NPIPA7: variants seen among roughly 807,000 people sequenced by gnomAD.
The protein encoded by NPIPA7 is nuclear pore complex interacting protein family member A7, also known as nuclear pore complex-interacting protein family member A7.
chr16:16,388,047 C>G (rs1487480554), intron 4 of NPIPA7, among the ~76,000 whole-genome samples: 1 of 16,136 alleles, frequency 6.2e-5, no homozygotes. Flanking sequence ...TTTCCTTTCT[C>G]TCTCTTTTTT....
chr16:16,388,045 C>T (rs1249993191), intron 4 of NPIPA7, among the ~76,000 whole-genome samples: 1 of 15,222 alleles, frequency 6.6e-5, no homozygotes, highest in Non-Finnish European at 1.2e-4. Flanking sequence ...GTTTTCCTTT[C>T]TCTCTCTTTT....
At chr16:16,387,012 G>T (rs1418223497) in intron 2 of NPIPA7, among the ~76,000 whole-genome samples, 6 of 145,114 alleles carry the variant, frequency 4.1e-5, no homozygotes, top group African/African-American at 1.5e-4. Flanking sequence ...GCCTCCCAAA[G>T]TACTGGGATT....
In NPIPA7 at chr16:16,388,058, T is replaced by G. The variant is rs2050203716; in HGVS notation, c.437+252T>G. On this transcript the variant is annotated intron_variant, in intron 4 of 7. Coordinates refer to ENST00000530217, the Ensembl canonical transcript of NPIPA7. ...TGGTTTTCCTTTCTCTCTCTTTTTT[T>G]TTTTTTTTTTTCCTGAGATGGGGCT... Among the ~76,000 whole-genome samples the G allele has an allele frequency of 2.5e-5, 2 of 81,150 alleles. 1 individual carries two copies. The highest frequency in any genetic ancestry group is 4.5e-5 in the Non-Finnish European group (2 of 44,228). 53.2% of individuals were successfully genotyped at this position (81,150 alleles called of 152,430 possible).
At chr16:16,387,364 T>C in intron 2 of NPIPA7, 35 bp from the exon 3 acceptor site, 1 of 599,500 alleles carries the variant, frequency 1.7e-6, no homozygotes, top group Non-Finnish European at 2.9e-6. Flanking sequence ...TGAGCCACCG[T>C]GCCCAGCCGT....
In NPIPA7 at chr16:16,390,834, GA is replaced by G. The variant is rs2050247701; in HGVS notation, c.509del (p.Asn170MetfsTer6). On this transcript the variant is annotated frameshift_variant, in exon 5 of 8. Transcript: ENST00000530217. LOFTEE classifies it high-confidence loss of function. ...GGAGAGGCAGGTGTCAGAGGCAGAG[GA>G]AAATGGGAAATTGGATATGAAAGAA... 5.7e-6 allele frequency: 5 copies of G among 877,102 alleles called. No individual in the cohort carries two copies. Among genetic ancestry groups the G allele is most frequent in the East Asian group, 1.3e-4 (2 of 15,730 alleles). 54.3% of individuals were successfully genotyped at this position (877,102 alleles called of 1,614,324 possible).
chr16:16,388,521 A>G (rs1164330098), intron 4 of NPIPA7, among the ~76,000 whole-genome samples: 1 of 37,754 alleles, frequency 2.6e-5, no homozygotes, highest in Non-Finnish European at 5.1e-5. Flanking sequence ...ACATTCGGCC[A>G]ATTTTTTTTT....
At chr16:16,386,183 TCAAAC>T (rs2050121288) in intron 2 of NPIPA7, among the ~76,000 whole-genome samples, 1 of 95,446 alleles carries the variant, frequency 1.0e-5, no homozygotes, top group South Asian at 4.0e-4. Flanking sequence ...TGCGTTAAGT[TCAAAC>T]CAGCCTCAAC....
chr16:16,388,133 G>T (rs1382946460), intron 4 of NPIPA7, among the ~76,000 whole-genome samples: 1 of 30,214 alleles, frequency 3.3e-5, no homozygotes, highest in Non-Finnish European at 5.3e-5. Context: ...TCAACTCACT[G>T]CCTTTTGGGT....
chr16:16,386,989 T>C (rs1237878110), intron 2 of NPIPA7, among the ~76,000 whole-genome samples: 6 of 145,648 alleles, frequency 4.1e-5, no homozygotes, highest in Non-Finnish European at 9.2e-5. Context: ...CCTCAGGTGA[T>C]CCGCCTGCCT....
At chr16:16,386,845 A>G (rs867286548) in intron 2 of NPIPA7, among the ~76,000 whole-genome samples, 139 of 121,952 alleles carry the variant, frequency 1.1e-3, no homozygotes, top group Middle Eastern at 4.8e-3. Context: ...TTCCTGCTGG[A>G]TTCAAGTGAT....
Position 16,388,508 on chromosome 16 carries a change from G to A in NPIPA7, c.437+702G>A, listed in dbSNP as rs867734520. 4.1e-4 allele frequency among the ~76,000 whole-genome samples: 13 copies of A among 31,852 alleles called. No homozygotes were observed. In the East Asian group the frequency reaches 7.2e-3, roughly 18 times the overall value. 20.9% of individuals were successfully genotyped at this position (31,852 alleles called of 152,430 possible). Reference sequence around the variant, plus strand: ...GTAGCTTGGATTACAGGTGTGTGCCGCCACATTCGGCCAATTTTTTTTTTT... The same window carrying A: ...GTAGCTTGGATTACAGGTGTGTGCCACCACATTCGGCCAATTTTTTTTTTT... On this transcript the variant is annotated intron_variant, in intron 4 of 7. Transcript: ENST00000530217.
intron 1 of NPIPA7, among the ~76,000 whole-genome samples, chr16:16,382,024 T>G (rs1299301874): frequency 1.3e-5 from 1 of 75,604 alleles, no homozygotes; most frequent in African/African-American, 7.6e-5. Flanking sequence ...ATTGCAGGCG[T>G]GAGCCACCAC....
At chr16:16,386,556 T>G (rs2050137329) in intron 2 of NPIPA7, among the ~76,000 whole-genome samples, 1 of 101,202 alleles carries the variant, frequency 9.9e-6, no homozygotes, top group Non-Finnish European at 2.1e-5. Context: ...TTCAAGCAGT[T>G]CTCCTGCCTC....
Position 16,388,473 on chromosome 16 carries a change from A to G in NPIPA7, c.437+667A>G, listed in dbSNP as rs1409190334. Among the ~76,000 whole-genome samples the G allele has an allele frequency of 1.7e-4, 3 of 17,752 alleles. No individual in the cohort carries two copies. In the South Asian group the frequency reaches 4.7e-3, roughly 28 times the overall value. The allele number at this position is 17,752 out of a possible 152,430, so 11.6% of individuals were successfully genotyped here. A position where few individuals can be genotyped will look rare whatever the true frequency, so the allele number is the denominator to read the frequency against. On this transcript the variant is annotated intron_variant, in intron 4 of 7. Coordinates refer to ENST00000530217, the Ensembl canonical transcript of NPIPA7. ...TCCCAGTTTGAAGCAATTCTGCCTC[A>G]GCTTCCCGAGTAGCTTGGATTACAG...
intron 5 of NPIPA7, among the ~76,000 whole-genome samples, chr16:16,391,592 C>T (rs2141303100): frequency 2.1e-3 from 1 of 468 alleles, no homozygotes. Context: ...GTGCCTGCCA[C>T]CACCCCCGCC....
At chr16:16,388,633 C>T (rs1236092264) in intron 4 of NPIPA7, among the ~76,000 whole-genome samples, 6 of 4,700 alleles carry the variant, frequency 1.3e-3, no homozygotes, top group Non-Finnish European at 2.0e-3. Context: ...CAGGTTCAAA[C>T]GATTCTTATC....
intron 2 of NPIPA7, among the ~76,000 whole-genome samples, 166 bp from the exon 3 acceptor site, chr16:16,387,233 C>T (rs1222206594): frequency 1.4e-5 from 2 of 142,376 alleles, no homozygotes; most frequent in Admixed American, 7.5e-5. Flanking sequence ...CACTGCCATG[C>T]CCGGCTAATT....
In NPIPA7 at chr16:16,386,737, A is replaced by C. The variant is rs1326328943; in HGVS notation, c.193-662A>C. Among the ~76,000 whole-genome samples, 49 of 128,716 alleles carry C rather than the reference A, an allele frequency of 3.8e-4. 1 individual carries two copies. Among genetic ancestry groups the C allele is most frequent in the East Asian group, 1.6e-3 (7 of 4,506 alleles). The allele number at this position is 128,716 out of a possible 152,430, so 84.4% of individuals were successfully genotyped here. A position where few individuals can be genotyped will look rare whatever the true frequency, so the allele number is the denominator to read the frequency against. On this transcript the variant is annotated intron_variant, in intron 2 of 7. Coordinates refer to ENST00000530217, the Ensembl canonical transcript of NPIPA7. ...TGCTGGGATTACAGGCGTGAGCTAC[A>C]GCACCTGGCCTATTTTTTTTTTTTT...
chr16:16,388,085 T>C (rs2050205367), intron 4 of NPIPA7, among the ~76,000 whole-genome samples: 1 of 56,664 alleles, frequency 1.8e-5, no homozygotes, highest in African/African-American at 9.4e-5. Flanking sequence ...GATGGGGCTT[T>C]GCTCTTGTTG....
Sources: allele counts gnomAD v4.1 joint callset (sites outside exome capture counted in the v4.1 genomes callset), GRCh38; gene constraint gnomAD v4.1.1; transcripts MANE v1.5; gene names NCBI Gene and HGNC (gene_info 2026-07-23, HGNC 2026-07-21).